The following RAD18 variants were observed in gnomAD, a reference collection of about 807,000 sequenced individuals.
RAD18 encodes the protein RAD18 E3 ubiquitin protein ligase.
In RAD18, 47 loss-of-function variants were observed where a neutral mutation model predicts 60.4. That is an observed-to-expected ratio of 0.78 (90% CI 0.62 to 0.99). The LOEUF is 0.99. RAD18 is among the 50% of genes least tolerant of loss of function. The probability of loss-of-function intolerance (pLI) is 0.00; values close to 1 mark genes in which losing one functional copy is unlikely to be tolerated. For missense variants in RAD18, 640 were observed against 593.3 expected (o/e 1.08, Z -0.82); for synonymous variants, 225 against 195.5 (o/e 1.15, Z -1.26).
At chr3:8,956,852 T>C (rs1941023197) in intron 2 of RAD18, among the ~76,000 whole-genome samples, 1 of 151,718 alleles carries the variant, frequency 6.6e-6, no homozygotes, top group Admixed American at 6.6e-5. Flanking sequence ...ACAGCTAACA[T>C]CATACTTAAT....
At chr3:8,933,970 A>C (rs933450684) in intron 7 of RAD18, among the ~76,000 whole-genome samples, 2 of 152,208 alleles carry the variant, frequency 1.3e-5, no homozygotes, top group African/African-American at 4.8e-5. Flanking sequence ...AATGGAACAA[A>C]ACAATGTCCA....
intron 11 of RAD18, among the ~76,000 whole-genome samples, chr3:8,890,708 C>G (rs3732979): frequency 0.071 from 10,759 of 152,196 alleles, 499 homozygotes; most frequent in South Asian, 0.14. Context: ...GTATTTTCCA[C>G]TAGCCAGGGA....
Position 8,912,370 on chromosome 3 carries a change from T to C in RAD18, c.969A>G (p.Val323=), listed in dbSNP as rs746761762. 4 of 1,544,888 alleles carry C rather than the reference T, an allele frequency of 2.6e-6. No homozygotes were observed. The highest frequency in any genetic ancestry group is 3.5e-6 in the Non-Finnish European group (4 of 1,144,182). Residue 323 remains valine, a splice_region_variant and synonymous_variant, in exon 9 of 13, where the codon GTA becomes GTG. Coordinates refer to ENST00000264926, the MANE Select transcript of RAD18 (RefSeq NM_020165.4). ...RLEASKLNES[V]MVFTKDQTEK... is the part of the protein sequence containing the mutation. ...CTGTTTGGTCCTTTGTAAAAACCAT[T>C]ACCTAAAATAATCAAAAAAAGACCT...
intron 11 of RAD18, among the ~76,000 whole-genome samples, chr3:8,890,911 G>A (rs1444072722): frequency 6.6e-6 from 1 of 151,948 alleles, no homozygotes; most frequent in Non-Finnish European, 1.5e-5. Flanking sequence ...TACCTGATGT[G>A]CTTAAGGTAC....
chr3:8,931,291 A>T (rs1475672110), intron 7 of RAD18, among the ~76,000 whole-genome samples: 1 of 152,238 alleles, frequency 6.6e-6, no homozygotes, highest in Non-Finnish European at 1.5e-5. Context: ...ATATTTAAGG[A>T]TACATTTAAC....
intron 11 of RAD18, among the ~76,000 whole-genome samples, chr3:8,891,058 A>G (rs1939677607): frequency 8.6e-6 from 1 of 116,608 alleles, no homozygotes; most frequent in Non-Finnish European, 1.7e-5. Context: ...GCACATGTAT[A>G]AAGCATATAT....
intron 4 of RAD18, among the ~76,000 whole-genome samples, chr3:8,945,883 G>A (rs569506723): frequency 7.9e-5 from 12 of 152,226 alleles, no homozygotes; most frequent in East Asian, 1.9e-4. Context: ...ACAGCTATAC[G>A]ATGTGTTTGT....
chr3:8,960,256 G>A (rs1202119439), intron 1 of RAD18, among the ~76,000 whole-genome samples: 5 of 152,260 alleles, frequency 3.3e-5, no homozygotes, highest in South Asian at 4.1e-4. Flanking sequence ...GCAGTGAGCC[G>A]TGATTGCCAC....
chr3:8,888,230 T>G (rs150119785), intron 12 of RAD18, among the ~76,000 whole-genome samples: 1 of 152,182 alleles, frequency 6.6e-6, no homozygotes, highest in African/African-American at 2.4e-5. Flanking sequence ...CCTGTGAGTA[T>G]AATGAAACAA....
In RAD18 at chr3:8,878,342, T is replaced by G. The variant is rs1939400867; in HGVS notation, c.*3015A>C. ...AGCCTCAGATAGTTGTTCTTAAGGA[T>G]GTCTAAAAACAGACTAAAAACCAAA... On this transcript the variant is annotated 3_prime_UTR_variant, in exon 13 of 13. Coordinates refer to ENST00000264926, the MANE Select transcript of RAD18 (RefSeq NM_020165.4). 1 of 152,090 alleles carries G rather than the reference T, an allele frequency of 6.6e-6. No individual in the cohort carries two copies. The highest frequency in any genetic ancestry group is 2.4e-5 in the African/African-American group (1 of 41,416). 9.4% of individuals were successfully genotyped at this position (152,090 alleles called of 1,614,324 possible).
At chr3:8,934,589 T>C (rs1218669950) in intron 7 of RAD18, among the ~76,000 whole-genome samples, 2 of 152,240 alleles carry the variant, frequency 1.3e-5, no homozygotes, top group Admixed American at 6.5e-5. Context: ...GTGGTGATGT[T>C]GTCAAGGGTG....
At chr3:8,905,886 T>G (rs1939994015) in intron 9 of RAD18, among the ~76,000 whole-genome samples, 1 of 152,364 alleles carries the variant, frequency 6.6e-6, no homozygotes, top group African/African-American at 2.4e-5. Flanking sequence ...AGAATCATTC[T>G]AACAGAAACT....
chr3:8,915,565 T>C (rs1007515281), intron 7 of RAD18, among the ~76,000 whole-genome samples: 1 of 151,188 alleles, frequency 6.6e-6, no homozygotes, highest in Non-Finnish European at 1.5e-5. Flanking sequence ...GGGCATCACA[T>C]CCATTTGCAG....
chr3:8,902,631 C>T (rs983724105), intron 9 of RAD18, 111 bp from the exon 10 acceptor site: 53 of 1,107,716 alleles, frequency 4.8e-5, no homozygotes, highest in Non-Finnish European at 6.3e-5. Flanking sequence ...GTGGCTTACG[C>T]CTGTAATCCC....
intron 7 of RAD18, among the ~76,000 whole-genome samples, chr3:8,918,879 A>T (rs1219345837): frequency 6.6e-6 from 1 of 152,190 alleles, no homozygotes; most frequent in African/African-American, 2.4e-5. Context: ...GTCCTCCCAT[A>T]GCAACAATGT....
intron 10 of RAD18, among the ~76,000 whole-genome samples, chr3:8,900,649 G>A (rs1427150415): frequency 1.3e-5 from 2 of 152,104 alleles, no homozygotes; most frequent in African/African-American, 4.8e-5. Context: ...AACAAAAACA[G>A]GCTAAGTTTT....
intron 9 of RAD18, among the ~76,000 whole-genome samples, chr3:8,906,643 C>T (rs149394405): frequency 1.2e-3 from 178 of 152,132 alleles, no homozygotes; most frequent in African/African-American, 4.2e-3. Context: ...CAGTCCTGTG[C>T]TACCTGTTTC....
intron 7 of RAD18, among the ~76,000 whole-genome samples, chr3:8,920,008 C>T (rs889130895): frequency 2.0e-5 from 3 of 152,168 alleles, no homozygotes; most frequent in African/African-American, 4.8e-5. Context: ...GCAGGCCGGG[C>T]GCAGTGGCTC....
intron 2 of RAD18, among the ~76,000 whole-genome samples, chr3:8,957,037 G>C (rs1470850992): frequency 6.6e-6 from 1 of 152,138 alleles, no homozygotes; most frequent in Non-Finnish European, 1.5e-5. Context: ...ACATGATTGT[G>C]TATGCAAAAA....
Sources: allele counts gnomAD v4.1 joint callset (sites outside exome capture counted in the v4.1 genomes callset), GRCh38; gene constraint gnomAD v4.1.1; transcripts MANE v1.5; gene names NCBI Gene and HGNC (gene_info 2026-07-23, HGNC 2026-07-21).